The following UMAD1 variants were observed in gnomAD, a reference collection of about 807,000 sequenced individuals.
UMAD1 encodes UBAP1-MVB12-associated (UMA)-domain containing protein 1.
Under a neutral mutation model 6.1 loss-of-function variants are expected in UMAD1, and 8 were observed. The ratio of observed to expected loss-of-function variants is 1.30; its 90% CI spans 0.76 to 2.35. The LOEUF (loss-of-function observed/expected upper bound fraction) is 2.35. UMAD1 is among the 30% of genes most tolerant of loss of function. The pLI is 0.00. For synonymous variants in UMAD1, 56 were observed against 31.4 expected (o/e 1.78, Z -2.61); for missense variants, 130 against 78.4 (o/e 1.66, Z -2.49).
At chr7:7,840,985 C>T (rs566288689) in intron 3 of UMAD1, among the ~76,000 whole-genome samples, 2 of 152,134 alleles carry the variant, frequency 1.3e-5, no homozygotes, top group Non-Finnish European at 2.9e-5. Context: ...AACCTAAAGG[C>T]TAAGACAGCT....
intron 2 of UMAD1, among the ~76,000 whole-genome samples, chr7:7,784,557 G>C (rs976658598): frequency 2.0e-5 from 3 of 151,120 alleles, no homozygotes; most frequent in Non-Finnish European, 4.4e-5. Context: ...GTGTTAGCCA[G>C]GATGGTCTCG....
chr7:7,653,982 G>T (rs1785284774), intron 1 of UMAD1, among the ~76,000 whole-genome samples: 1 of 152,158 alleles, frequency 6.6e-6, no homozygotes, highest in South Asian at 2.1e-4. Flanking sequence ...TGTAATATGA[G>T]ATTTCCCCCC....
At chr7:7,723,909 C>G (rs1158530246) in intron 2 of UMAD1, among the ~76,000 whole-genome samples, 1 of 152,080 alleles carries the variant, frequency 6.6e-6, no homozygotes, top group African/African-American at 2.4e-5. Flanking sequence ...CTACTGCATA[C>G]CTACTTAATT....
chr7:7,738,547 A>G (rs1781403877), intron 2 of UMAD1: 1 of 152,242 alleles, frequency 6.6e-6, no homozygotes, highest in South Asian at 2.1e-4. Context: ...ATATAAATGA[A>G]CTTTATTTGT....
intron 2 of UMAD1, among the ~76,000 whole-genome samples, chr7:7,735,494 C>T (rs1377492324): frequency 1.3e-5 from 2 of 151,856 alleles, no homozygotes; most frequent in Non-Finnish European, 2.9e-5. Flanking sequence ...ACTGCAACCT[C>T]CGCCTCCCGG....
chr7:7,782,672 T>G (rs10272400), intron 2 of UMAD1, among the ~76,000 whole-genome samples: 1 of 151,342 alleles, frequency 6.6e-6, no homozygotes, highest in East Asian at 1.9e-4. Context: ...TTAATCCACG[T>G]TATTGACCGT....
intron 2 of UMAD1, among the ~76,000 whole-genome samples, chr7:7,750,759 A>G (rs1781663026): frequency 6.6e-6 from 1 of 152,228 alleles, no homozygotes; most frequent in Non-Finnish European, 1.5e-5. Context: ...CAGCTAGAAC[A>G]TGGCGGAGCT....
intron 2 of UMAD1, among the ~76,000 whole-genome samples, chr7:7,683,283 C>G (rs1345840521): frequency 6.6e-6 from 1 of 152,066 alleles, no homozygotes; most frequent in Non-Finnish European, 1.5e-5. Context: ...GTGCTGGGAC[C>G]CATTCCTAGA....
chr7:7,803,005 T>C (rs1214425865), intron 3 of UMAD1, among the ~76,000 whole-genome samples: 1 of 152,220 alleles, frequency 6.6e-6, no homozygotes, highest in Non-Finnish European at 1.5e-5. Flanking sequence ...AAATCATCTT[T>C]CTCATGAAAC....
chr7:7,759,147 C>T (rs1781837906), intron 2 of UMAD1, among the ~76,000 whole-genome samples: 2 of 152,000 alleles, frequency 1.3e-5, no homozygotes, highest in South Asian at 2.1e-4. Flanking sequence ...TAGATTATGC[C>T]GGATATGGAT....
intron 3 of UMAD1, among the ~76,000 whole-genome samples, chr7:7,835,602 ATAG>A (rs1783553800): frequency 6.6e-6 from 1 of 150,894 alleles, no homozygotes; most frequent in Admixed American, 6.6e-5. Context: ...AATAATTCTA[ATAG>A]TAGTAAGTGC....
At chr7:7,824,394 A>G (rs1783302657) in intron 3 of UMAD1, among the ~76,000 whole-genome samples, 2 of 152,170 alleles carry the variant, frequency 1.3e-5, no homozygotes, top group Admixed American at 1.3e-4. Flanking sequence ...TTTGTCATAC[A>G]TAAAACATTC....
chr7:7,780,524 C>T (rs1782323389), intron 2 of UMAD1, among the ~76,000 whole-genome samples: 3 of 152,154 alleles, frequency 2.0e-5, no homozygotes, highest in African/African-American at 4.8e-5. Context: ...GAAACATGCA[C>T]AAACGATAAG....
chr7:7,780,651 A>G (rs774890830), intron 2 of UMAD1, among the ~76,000 whole-genome samples: 76 of 152,180 alleles, frequency 5.0e-4, no homozygotes, highest in African/African-American at 1.8e-3. Context: ...TTCCAAAGCA[A>G]TCCTGACTTC....
At chr7:7,769,626 C>A (rs1217997234) in intron 2 of UMAD1, among the ~76,000 whole-genome samples, 1 of 151,988 alleles carries the variant, frequency 6.6e-6, no homozygotes, top group Non-Finnish European at 1.5e-5. Flanking sequence ...TGGAATGTTT[C>A]TTTTTGGAGT....
At chr7:7,874,332 T>A (rs187443884) in intron 3 of UMAD1, among the ~76,000 whole-genome samples, 3 of 152,212 alleles carry the variant, frequency 2.0e-5, no homozygotes, top group Non-Finnish European at 4.4e-5. Context: ...CCACCTCTAC[T>A]ATCTGCTGTC....
At chr7:7,795,940 T>A (rs2115268458) in intron 2 of UMAD1, among the ~76,000 whole-genome samples, 1 of 152,238 alleles carries the variant, frequency 6.6e-6, no homozygotes, top group Non-Finnish European at 1.5e-5. Context: ...ATGTCTAACC[T>A]CCTGGGGATG....
intron 2 of UMAD1, among the ~76,000 whole-genome samples, chr7:7,783,062 T>TA (rs1001304560): frequency 2.0e-5 from 3 of 152,210 alleles, no homozygotes; most frequent in African/African-American, 7.2e-5. Context: ...TGGACCTACA[T>TA]ACTCACTGGC....
chr7:7,752,470 A>T (rs1234219498), intron 2 of UMAD1, among the ~76,000 whole-genome samples: 1 of 152,144 alleles, frequency 6.6e-6, no homozygotes, highest in Admixed American at 6.5e-5. Flanking sequence ...ATTAGTTGCC[A>T]CATATGAAAC....
Sources: allele counts gnomAD v4.1 joint callset (sites outside exome capture counted in the v4.1 genomes callset), GRCh38; gene constraint gnomAD v4.1.1; transcripts MANE v1.5; gene names NCBI Gene and HGNC (gene_info 2026-07-23, HGNC 2026-07-21).